Variants in PPP3CA observed in about 807,000 individuals in gnomAD.
The protein encoded by PPP3CA is protein phosphatase 3 catalytic subunit alpha.
PPP3CA carries 14 observed loss-of-function variants against 66.5 expected under a neutral mutation model. The ratio of observed to expected loss-of-function variants is 0.21; its 90% confidence interval spans 0.14 to 0.33. The LOEUF is 0.33. PPP3CA is among the 10% of genes least tolerant of loss of function. PPP3CA has a pLI of 1.00. For synonymous variants in PPP3CA, 232 were observed against 226.2 expected (o/e 1.03, Z -0.23); for missense variants, 317 against 639.5 (o/e 0.50, Z 5.44).
chr4:101,286,470 A>T (rs936065821), intron 1 of PPP3CA, among the ~76,000 whole-genome samples: 3 of 152,222 alleles, frequency 2.0e-5, no homozygotes, highest in Non-Finnish European at 4.4e-5. Flanking sequence ...TGCACCTGGA[A>T]ATATCTACTT....
At chr4:101,324,232 AG>A (rs889126693) in intron 1 of PPP3CA, among the ~76,000 whole-genome samples, 1 of 133,882 alleles carries the variant, frequency 7.5e-6, no homozygotes, top group Non-Finnish European at 1.6e-5. Context: ...AAAGGAGGGA[AG>A]GGAGGGAGGG....
chr4:101,136,723 C>T (rs1722635053), intron 2 of PPP3CA, among the ~76,000 whole-genome samples: 2 of 151,814 alleles, frequency 1.3e-5, no homozygotes, highest in African/African-American at 4.8e-5. Context: ...GTCCTTCCTA[C>T]AAAGCATTTG....
chr4:101,075,458 T>A (rs1446326291), intron 8 of PPP3CA, among the ~76,000 whole-genome samples: 1 of 152,204 alleles, frequency 6.6e-6, no homozygotes, highest in Non-Finnish European at 1.5e-5. Flanking sequence ...TGTTTATATT[T>A]CTCTACATAT....
intron 12 of PPP3CA, among the ~76,000 whole-genome samples, chr4:101,030,332 G>A (rs1299197330): frequency 6.6e-6 from 1 of 152,036 alleles, no homozygotes; most frequent in Admixed American, 6.6e-5. Flanking sequence ...CGGTGGATTC[G>A]AGATTCCTTA....
intron 2 of PPP3CA, among the ~76,000 whole-genome samples, chr4:101,145,234 C>T (rs1231707552): frequency 6.6e-6 from 1 of 152,052 alleles, no homozygotes; most frequent in East Asian, 1.9e-4. Flanking sequence ...TTTGGAAGTT[C>T]CCCAAAAAAC....
chr4:101,048,509 CAAAAAAAAAAA>C (rs59988569), intron 10 of PPP3CA, among the ~76,000 whole-genome samples: 26,279 of 66,384 alleles, frequency 0.4, 2,910 homozygotes, highest in Middle Eastern at 0.54. Context: ...TTTCTCTCAC[CAAAAAAAAAAA>C]AAAAAAAAAA....
At chr4:101,068,664 C>T in intron 8 of PPP3CA, among the ~76,000 whole-genome samples, 1 of 152,086 alleles carries the variant, frequency 6.6e-6, no homozygotes, top group East Asian at 1.9e-4. Flanking sequence ...CAATTCCTTC[C>T]ATTTTAAAAT....
intron 1 of PPP3CA, among the ~76,000 whole-genome samples, chr4:101,333,036 C>T (rs1469108261): frequency 6.6e-6 from 1 of 151,798 alleles, no homozygotes; most frequent in African/African-American, 2.4e-5. Flanking sequence ...ATGATTCTAT[C>T]TCATATACCC....
chr4:101,124,396 A>T (rs1032896587), intron 2 of PPP3CA, among the ~76,000 whole-genome samples: 1 of 152,030 alleles, frequency 6.6e-6, no homozygotes, highest in Non-Finnish European at 1.5e-5. Context: ...CAAGGTGGAA[A>T]GATCAGCTGA....
rs1178678725 is a variant in PPP3CA, at chr4:101,346,866, CCAGA to C, written c.-74_-71del. ...TGCACACCCCGACCGGACCGGCGGG[CCAGA>C]CACTCAACGCCGCCGCCGCCGCCGC... On this transcript the variant is annotated 5_prime_UTR_variant, in exon 1 of 14. Transcript: ENST00000394854. 1.0e-5 allele frequency: 16 copies of C among 1,526,780 alleles called. No homozygotes were observed. In the East Asian group the frequency reaches 1.4e-4, roughly 14 times the overall value. The allele number at this position is 1,526,780 out of a possible 1,614,324, so 94.6% of individuals were successfully genotyped here. A position where few individuals can be genotyped will look rare whatever the true frequency, so the allele number is the denominator to read the frequency against.
chr4:101,166,588 G>A (rs549922610), intron 2 of PPP3CA, among the ~76,000 whole-genome samples: 2 of 152,206 alleles, frequency 1.3e-5, no homozygotes, highest in South Asian at 4.1e-4. Flanking sequence ...TTTGCAAGTG[G>A]CCCACCCTGC....
chr4:101,236,234 G>A (rs1176590437), intron 1 of PPP3CA, among the ~76,000 whole-genome samples: 1 of 151,962 alleles, frequency 6.6e-6, no homozygotes, highest in African/African-American at 2.4e-5. Context: ...ATATTGGACT[G>A]GCTCTGCTGA....
intron 12 of PPP3CA, among the ~76,000 whole-genome samples, chr4:101,031,418 T>C (rs1401680538): frequency 6.6e-6 from 1 of 152,174 alleles, no homozygotes; most frequent in Non-Finnish European, 1.5e-5. Context: ...TTGTATGTAA[T>C]AATAATAGTA....
intron 1 of PPP3CA, among the ~76,000 whole-genome samples, chr4:101,223,978 T>C (rs1725704687): frequency 1.3e-5 from 2 of 151,568 alleles, no homozygotes; most frequent in East Asian, 1.9e-4. Flanking sequence ...GGAAAAAAAT[T>C]AAAGGGAAAA....
chr4:101,145,820 T>C (rs567530490), intron 2 of PPP3CA, among the ~76,000 whole-genome samples: 26 of 152,268 alleles, frequency 1.7e-4, no homozygotes, highest in Non-Finnish European at 3.7e-4. Flanking sequence ...AGAAATAACA[T>C]CACTGAAGTT....
intron 2 of PPP3CA, among the ~76,000 whole-genome samples, chr4:101,170,373 C>A (rs1440481974): frequency 6.6e-6 from 1 of 152,044 alleles, no homozygotes; most frequent in Non-Finnish European, 1.5e-5. Flanking sequence ...ATCTCCTGGA[C>A]CCTCAAGGCT....
At position 101,097,339 on chromosome 4, in the gene PPP3CA, C is replaced by T. The variant is rs541286175; in HGVS notation, c.642+1028G>A. Among the ~76,000 whole-genome samples, 8 of 152,036 alleles carry T rather than the reference C, an allele frequency of 5.3e-5. No individual in the cohort carries two copies. The South Asian group carries it at 1.0e-3, about 20-fold the overall frequency. The stretch of plus-strand genomic sequence containing the variant: ...CTCTGTTCTATGGGATAAGTACAAG[C>T]GTATTTTCTTAGGTCTCTAAAAGTA... On this transcript the variant is annotated intron_variant, in intron 5 of 13. Transcript: ENST00000394854.
chr4:101,043,054 A>G (rs1727600098), intron 10 of PPP3CA, among the ~76,000 whole-genome samples: 1 of 152,124 alleles, frequency 6.6e-6, no homozygotes, highest in Non-Finnish European at 1.5e-5. Context: ...AAATCAATTC[A>G]ATGAACACAA....
At chr4:101,057,060 CTT>C (rs60282854) in intron 10 of PPP3CA, among the ~76,000 whole-genome samples, 17 of 144,974 alleles carry the variant, frequency 1.2e-4, no homozygotes, top group East Asian at 2.0e-4. Context: ...GTAGAATATA[CTT>C]TTTTTTTTTT....
Sources: gnomAD v4.1 joint callset for allele counts (sites outside exome capture counted in the v4.1 genomes callset) on GRCh38, gnomAD v4.1.1 for gene constraint, MANE v1.5 for transcripts, NCBI Gene and HGNC (gene_info 2026-07-23, HGNC 2026-07-21) for gene names.